Variants in DAB1 observed in about 807,000 individuals in gnomAD.
The protein encoded by DAB1 is DAB adaptor protein 1.
In DAB1, 15 loss-of-function variants were observed where a neutral mutation model predicts 64.6. The observed-to-expected ratio is 0.23, with a 90% CI of 0.16 to 0.36. The LOEUF (loss-of-function observed/expected upper bound fraction) is 0.36, where lower values mean the gene tolerates loss of function less well. Among genes scored for constraint, DAB1 ranks in the 10% least tolerant of loss-of-function variants. The pLI is 1.00. For synonymous variants in DAB1, 235 were observed against 251.9 expected (o/e 0.93, Z 0.64); for missense variants, 596 against 706.7 (o/e 0.84, Z 1.78).
chr1:57,327,311 C>T (rs1676248361), intron 1 of DAB1, among the ~76,000 whole-genome samples: 2 of 152,090 alleles, frequency 1.3e-5, no homozygotes, highest in Admixed American at 6.5e-5. Context: ...GGGAGAAGTG[C>T]TGAGATAATC....
At chr1:57,056,880 G>A (rs1288296530) in intron 9 of DAB1, among the ~76,000 whole-genome samples, 1 of 151,820 alleles carries the variant, frequency 6.6e-6, no homozygotes, top group African/African-American at 2.4e-5. Context: ...AAAAAAAAAA[G>A]TTCGGTAGAA....
intron 2 of DAB1, among the ~76,000 whole-genome samples, chr1:57,198,992 C>A (rs1304564898): frequency 2.0e-5 from 3 of 152,066 alleles, no homozygotes; most frequent in African/African-American, 7.2e-5. Context: ...ACCATGGGCA[C>A]CCCCAGGCCA....
chr1:57,652,079 C>G (rs1377999596), intron 6 of DAB1, among the ~76,000 whole-genome samples: 1 of 152,148 alleles, frequency 6.6e-6, no homozygotes, highest in Non-Finnish European at 1.5e-5. Context: ...ATAGAGAAAC[C>G]TGAATTTTGC....
chr1:58,276,917 C>T (rs1661459743), intron 4 of DAB1, among the ~76,000 whole-genome samples: 1 of 151,926 alleles, frequency 6.6e-6, no homozygotes, highest in Non-Finnish European at 1.5e-5. Context: ...GGGTGTGAAC[C>T]CTCTTTGTTA....
intron 5 of DAB1, among the ~76,000 whole-genome samples, chr1:58,084,928 T>C (rs952732561): frequency 6.6e-6 from 1 of 152,076 alleles, no homozygotes; most frequent in Non-Finnish European, 1.5e-5. Flanking sequence ...GAAAACCACA[T>C]ACATTTAAAG....
intron 5 of DAB1, among the ~76,000 whole-genome samples, chr1:57,895,110 G>C (rs1277358361): frequency 6.6e-6 from 1 of 152,004 alleles, no homozygotes; most frequent in Non-Finnish European, 1.5e-5. Flanking sequence ...GTGAAGGACT[G>C]GTTTTCTTTC....
chr1:57,489,242 T>C (rs1002120523), intron 7 of DAB1, among the ~76,000 whole-genome samples: 1 of 152,210 alleles, frequency 6.6e-6, no homozygotes, highest in Non-Finnish European at 1.5e-5. Flanking sequence ...AGAGGCAGGA[T>C]TGCAAAATAA....
chr1:58,433,945 C>A (rs1048792497), intron 3 of DAB1, among the ~76,000 whole-genome samples: 4 of 152,108 alleles, frequency 2.6e-5, no homozygotes, highest in Middle Eastern at 3.4e-3. Flanking sequence ...AAGGGAGAGG[C>A]AATGCAAAAG....
chr1:57,074,531 A>C (rs1226132662), intron 4 of DAB1, among the ~76,000 whole-genome samples: 1 of 152,202 alleles, frequency 6.6e-6, no homozygotes, highest in Non-Finnish European at 1.5e-5. Context: ...TAAAATGTCC[A>C]TCCCTTGGCC....
rs571544552 is a variant in DAB1 at position 57,692,869 on chromosome 1, C to T, written n.552-43204G>A. ...GTCAGGGATAGTACGAGATGCTACC[C>T]GGCATTTACAGGAAAAGGCTTCTGA... On this transcript the variant is annotated intron_variant and non_coding_transcript_variant, in intron 6 of 20. Transcript: ENST00000485760. Among the ~76,000 whole-genome samples the T allele has an allele frequency of 8.1e-4, 123 of 152,182 alleles. 1 individual carries two copies. In the South Asian group the frequency reaches 0.021, roughly 26 times the overall value.
intron 3 of DAB1, among the ~76,000 whole-genome samples, chr1:58,483,615 A>C (rs1212105151): frequency 1.3e-5 from 2 of 152,180 alleles, no homozygotes; most frequent in African/African-American, 2.4e-5. Context: ...GTTTAAGTAA[A>C]CTGAATTGAC....
At chr1:57,289,298 G>A (rs1010349345) in intron 2 of DAB1, among the ~76,000 whole-genome samples, 1 of 152,214 alleles carries the variant, frequency 6.6e-6, no homozygotes, top group African/African-American at 2.4e-5. Context: ...ATTCAAGAGT[G>A]CAGGTTTAGT....
chr1:58,041,255 C>T (rs1329437645), intron 5 of DAB1, among the ~76,000 whole-genome samples: 4 of 152,122 alleles, frequency 2.6e-5, no homozygotes, highest in East Asian at 1.9e-4. Context: ...CAAATTATTG[C>T]GCTATATTGC....
chr1:57,389,486 A>G (rs1778033), intron 1 of DAB1, among the ~76,000 whole-genome samples: 61,990 of 151,954 alleles, frequency 0.41, 13,178 homozygotes, highest in African/African-American at 0.46. Flanking sequence ...TAAGGGAAAC[A>G]CACCATGGTA....
At chr1:57,245,094 G>T (rs1231945100) in intron 2 of DAB1, among the ~76,000 whole-genome samples, 1 of 152,200 alleles carries the variant, frequency 6.6e-6, no homozygotes, top group Non-Finnish European at 1.5e-5. Context: ...ACAAAATACT[G>T]ATAGGGATAT....
intron 6 of DAB1, among the ~76,000 whole-genome samples, chr1:57,688,391 C>T (rs1208654535): frequency 6.6e-6 from 1 of 152,090 alleles, no homozygotes; most frequent in East Asian, 1.9e-4. Context: ...GTCAGAATGG[C>T]TATTATTAAA....
chr1:57,182,352 A>G (rs1447982648), intron 2 of DAB1, among the ~76,000 whole-genome samples: 15 of 152,228 alleles, frequency 9.9e-5, no homozygotes, highest in Non-Finnish European at 1.8e-4. Flanking sequence ...TGAACATTGA[A>G]GGAATTATAA....
At chr1:58,124,560 G>A (rs903908154) in intron 5 of DAB1, among the ~76,000 whole-genome samples, 3 of 152,100 alleles carry the variant, frequency 2.0e-5, no homozygotes, top group African/African-American at 7.2e-5. Context: ...TATTTGTGAT[G>A]AATTATAGGT....
At chr1:57,724,240 A>AAGAAAGGAAGGGAGGGAGGGAGGG (rs1647181408) in intron 6 of DAB1, among the ~76,000 whole-genome samples, 1 of 149,192 alleles carries the variant, frequency 6.7e-6, no homozygotes, top group Non-Finnish European at 1.5e-5. Flanking sequence ...AGGAGGAAGA[A>AAGAAAGGAAGGGAGGGAGGGAGGG]AGAAAGGAAG....
Sources: allele counts gnomAD v4.1 joint callset (sites outside exome capture counted in the v4.1 genomes callset), GRCh38; gene constraint gnomAD v4.1.1; transcripts MANE v1.5; gene names NCBI Gene and HGNC (gene_info 2026-07-23, HGNC 2026-07-21).